Variants in SORCS3 observed in about 807,000 individuals in gnomAD.
The protein encoded by SORCS3 is VPS10 domain-containing receptor SorCS3.
In SORCS3, 57 loss-of-function variants were observed where a neutral mutation model predicts 146.3. The ratio of observed to expected loss-of-function variants is 0.39; its 90% CI spans 0.31 to 0.49. The LOEUF is 0.49. SORCS3 is among the 20% of genes least tolerant of loss of function. The probability of loss-of-function intolerance (pLI) is 0.92; values close to 1 mark genes in which losing one functional copy is unlikely to be tolerated. For missense variants in SORCS3, 1,341 were observed against 1,575.5 expected, an observed-to-expected ratio of 0.85 and a Z score of 2.52; for synonymous variants, 653 against 618.5, an observed-to-expected ratio of 1.06 and a Z score of -0.83.
intron 1 of SORCS3, among the ~76,000 whole-genome samples, chr10:104,807,976 T>C (rs1475446435): frequency 6.6e-6 from 1 of 152,216 alleles, no homozygotes; most frequent in Non-Finnish European, 1.5e-5. Flanking sequence ...ATGTATATTA[T>C]GGTGTTCACA....
chr10:104,718,836 C>T (rs2016510233), intron 1 of SORCS3, among the ~76,000 whole-genome samples: 1 of 152,028 alleles, frequency 6.6e-6, no homozygotes, highest in Non-Finnish European at 1.5e-5. Flanking sequence ...ATGGAAATGA[C>T]TATTTGTCTA....
At chr10:105,105,361 C>A in intron 6 of SORCS3, 36 bp from the exon 7 acceptor site, 1 of 1,430,296 alleles carries the variant, frequency 7.0e-7, no homozygotes, top group Non-Finnish European at 9.8e-7. Flanking sequence ...ATGATTTTCA[C>A]TTGTATCTAA....
chr10:104,929,756 G>C (rs1341119764), intron 3 of SORCS3, among the ~76,000 whole-genome samples: 12 of 152,218 alleles, frequency 7.9e-5, no homozygotes, highest in Admixed American at 3.9e-4. Flanking sequence ...CCAACAGCAA[G>C]CCCACCCATG....
Position 105,263,306 on chromosome 10 carries a change from G to T in SORCS3, c.3605-4G>T, listed in dbSNP as rs1421697831. 6.2e-7 allele frequency: 1 copy of T among 1,613,768 alleles called. No homozygotes were observed. On this transcript the variant is annotated splice_region_variant and splice_polypyrimidine_tract_variant and intron_variant, in intron 26 of 26. Coordinates refer to ENST00000369701, the MANE Select transcript of SORCS3 (RefSeq NM_014978.3). Reference sequence around the variant, plus strand: ...TTTCTCCCTGTGTCTTCTCTTCTCTGCAGGAGGCATTGCCACTATTGCAAA... The same window carrying T: ...TTTCTCCCTGTGTCTTCTCTTCTCTTCAGGAGGCATTGCCACTATTGCAAA...
intron 2 of SORCS3, among the ~76,000 whole-genome samples, chr10:104,861,210 C>CTG (rs1032354180): frequency 5.3e-5 from 8 of 152,168 alleles, no homozygotes; most frequent in Non-Finnish European, 1.2e-4. Context: ...TACCTGTTAC[C>CTG]TGTACCTGCT....
chr10:104,987,490 C>G (rs2054969153), intron 4 of SORCS3, among the ~76,000 whole-genome samples: 1 of 152,088 alleles, frequency 6.6e-6, no homozygotes, highest in African/African-American at 2.4e-5. Flanking sequence ...TTTAGTAAAA[C>G]CCTTTCAAAT....
In SORCS3 at chr10:105,257,078, G is replaced by T. The variant is rs543419104; in HGVS notation, c.3443+154G>T. On this transcript the variant is annotated intron_variant, in intron 25 of 26. Coordinates refer to ENST00000369701, the MANE Select transcript of SORCS3 (RefSeq NM_014978.3). The stretch of plus-strand genomic sequence containing the variant: ...ATGGGTAAAAGCAAGAATGGTTGAG[G>T]GTCATGGATTAAATGGGTTTGAGAC... Among the ~76,000 whole-genome samples, 10 of 152,188 alleles carry T rather than the reference G, an allele frequency of 6.6e-5. No individual in the cohort carries two copies. In the South Asian group the frequency reaches 1.9e-3, roughly 28 times the overall value.
chr10:105,194,677 A>T (rs959579455), intron 14 of SORCS3, among the ~76,000 whole-genome samples: 3 of 152,188 alleles, frequency 2.0e-5, no homozygotes, highest in Admixed American at 2.0e-4. Context: ...TATTGTTGAT[A>T]GGTTCCGTAG....
At chr10:105,207,303 T>TTATTATTATTATTATTATTA (rs1564784888) in intron 16 of SORCS3, among the ~76,000 whole-genome samples, 10 of 148,392 alleles carry the variant, frequency 6.7e-5, no homozygotes, top group South Asian at 2.1e-4. Context: ...ATTATTATTA[T>TTATTATTATTATTATTATTA]TTCTAAACTG....
At chr10:105,153,681 C>G (rs2056184494) in intron 9 of SORCS3, among the ~76,000 whole-genome samples, 1 of 150,406 alleles carries the variant, frequency 6.6e-6, no homozygotes, top group South Asian at 2.1e-4. Context: ...GTGTTTGTAG[C>G]TGTTCCGATG....
chr10:105,128,924 T>G (rs1389450831), intron 7 of SORCS3, among the ~76,000 whole-genome samples: 1 of 152,182 alleles, frequency 6.6e-6, no homozygotes, highest in Non-Finnish European at 1.5e-5. Context: ...TACAACTAGT[T>G]CCTTTTTTAT....
chr10:105,078,732 C>T (rs1295262707), intron 5 of SORCS3, among the ~76,000 whole-genome samples: 2 of 152,160 alleles, frequency 1.3e-5, no homozygotes, highest in African/African-American at 4.8e-5. Flanking sequence ...TACATTTAAT[C>T]AATTAGTTCT....
chr10:104,749,546 C>T (rs985977942), intron 1 of SORCS3, among the ~76,000 whole-genome samples: 2 of 152,142 alleles, frequency 1.3e-5, no homozygotes, highest in Non-Finnish European at 2.9e-5. Flanking sequence ...ATGTCAATAA[C>T]TGTACAAATT....
chr10:105,088,170 T>G (rs776934735), intron 5 of SORCS3, among the ~76,000 whole-genome samples: 8 of 152,220 alleles, frequency 5.3e-5, no homozygotes, highest in Non-Finnish European at 1.2e-4. Flanking sequence ...AGGAAGTCTT[T>G]CTAATTTTGG....
intron 9 of SORCS3, among the ~76,000 whole-genome samples, chr10:105,148,249 CAGT>C (rs1345473621): frequency 9.2e-5 from 14 of 152,072 alleles, no homozygotes; most frequent in Admixed American, 9.2e-4. Context: ...AAGCGAATAT[CAGT>C]GGTGGGAATG....
chr10:105,048,815 TA>T (rs1289500150), intron 5 of SORCS3, among the ~76,000 whole-genome samples: 1 of 152,152 alleles, frequency 6.6e-6, no homozygotes, highest in Non-Finnish European at 1.5e-5. Context: ...TGTTCTTTTA[TA>T]TGTAGCCTAA....
chr10:105,056,100 CT>C (rs1421366376), intron 5 of SORCS3, among the ~76,000 whole-genome samples: 1 of 152,154 alleles, frequency 6.6e-6, no homozygotes, highest in African/African-American at 2.4e-5. Context: ...ATGGAAGAAT[CT>C]TGAAGAATGG....
At chr10:104,987,848 G>A (rs555788200) in intron 4 of SORCS3, among the ~76,000 whole-genome samples, 37 of 152,276 alleles carry the variant, frequency 2.4e-4, no homozygotes, top group African/African-American at 8.7e-4. Flanking sequence ...TGCTTTGACA[G>A]CTGTAATGGA....
rs1254506100 is a variant in SORCS3 at position 105,089,854 on chromosome 10, A to G, written c.1093+15A>G. 2 of 1,611,068 alleles carry G rather than the reference A, an allele frequency of 1.2e-6. No individual in the cohort carries two copies. The highest frequency in any genetic ancestry group is 2.2e-5 in the East Asian group (1 of 44,862). On this transcript the variant is annotated intron_variant, in intron 6 of 26. Coordinates refer to ENST00000369701, the MANE Select transcript of SORCS3 (RefSeq NM_014978.3). ...CACGGATGGATGTGAGTTCTGCTAC[A>G]GCCAGGCTAGGCCCAGGGAGATCTG...
Sources: allele counts gnomAD v4.1 joint callset (sites outside exome capture counted in the v4.1 genomes callset), GRCh38; gene constraint gnomAD v4.1.1; transcripts MANE v1.5; gene names NCBI Gene and HGNC (gene_info 2026-07-23, HGNC 2026-07-21).